Variants in SLC24A3 observed in about 807,000 individuals in gnomAD.
SLC24A3 encodes sodium/potassium/calcium exchanger 3.
Under a neutral mutation model 75.8 loss-of-function variants are expected in SLC24A3, and 28 were observed. The observed-to-expected ratio is 0.37, with a 90% CI of 0.27 to 0.51. SLC24A3 has a LOEUF of 0.51. SLC24A3 is among the 20% of genes least tolerant of loss of function. SLC24A3 has a pLI of 0.94. For missense variants in SLC24A3, 663 were observed against 847.8 expected (o/e 0.78, Z 2.71); for synonymous variants, 372 against 334.1 (o/e 1.11, Z -1.24).
At chr20:19,584,279 T>C (rs2031262511) in intron 4 of SLC24A3, among the ~76,000 whole-genome samples, 1 of 152,112 alleles carries the variant, frequency 6.6e-6, no homozygotes, top group Admixed American at 6.5e-5. Flanking sequence ...TTTTCAGCCT[T>C]AAGCCCCCAC....
intron 3 of SLC24A3, among the ~76,000 whole-genome samples, chr20:19,575,099 A>G (rs918559001): frequency 1.3e-5 from 2 of 151,932 alleles, no homozygotes; most frequent in African/African-American, 4.8e-5. Flanking sequence ...AAAATACAAA[A>G]AAAAATGAAG....
chr20:19,346,086 T>C (rs1243441792), intron 2 of SLC24A3, among the ~76,000 whole-genome samples: 2 of 69,946 alleles, frequency 2.9e-5, no homozygotes, highest in African/African-American at 1.2e-4. Context: ...TATATATATA[T>C]ATATATATAT....
intron 2 of SLC24A3, among the ~76,000 whole-genome samples, chr20:19,376,504 A>G (rs1986085857): frequency 6.6e-6 from 1 of 152,198 alleles, no homozygotes; most frequent in Non-Finnish European, 1.5e-5. Flanking sequence ...GTGGCAGGCT[A>G]TCGTTCTAGC....
In SLC24A3 at chr20:19,224,978, G is replaced by C. The variant is rs183938167; in HGVS notation, c.142+11994G>C. 2.1e-3 allele frequency among the ~76,000 whole-genome samples: 313 copies of C among 152,224 alleles called. 1 individual carries two copies. Among genetic ancestry groups the C allele is most frequent in the African/African-American group, 7.3e-3 (305 of 41,520 alleles). On this transcript the variant is annotated intron_variant, in intron 1 of 16. Coordinates refer to ENST00000328041, the MANE Select transcript of SLC24A3 (RefSeq NM_020689.4). Reference sequence around the variant, plus strand: ...CATGGGAAAAATTAGGAATTTTCAGGGTGAGCCACTTCTTGTGACAAAAAA... The same window carrying C: ...CATGGGAAAAATTAGGAATTTTCAGCGTGAGCCACTTCTTGTGACAAAAAA...
At chr20:19,542,100 G>A (rs994665194) in intron 3 of SLC24A3, among the ~76,000 whole-genome samples, 1 of 152,216 alleles carries the variant, frequency 6.6e-6, no homozygotes, top group African/African-American at 2.4e-5. Flanking sequence ...AAAGGGGAGA[G>A]ATAGCAGGTG....
intron 2 of SLC24A3, among the ~76,000 whole-genome samples, chr20:19,454,951 A>G (rs1987553495): frequency 6.6e-6 from 1 of 152,206 alleles, no homozygotes; most frequent in Non-Finnish European, 1.5e-5. Flanking sequence ...AATTATAGAC[A>G]GAGTCTAGGT....
intron 6 of SLC24A3, among the ~76,000 whole-genome samples, chr20:19,647,711 T>G (rs578043557): frequency 6.6e-6 from 1 of 152,342 alleles, no homozygotes; most frequent in East Asian, 1.9e-4. Flanking sequence ...TGAGAAGGCA[T>G]GTCTGAGTCC....
In SLC24A3 at chr20:19,585,460, C is replaced by T. The variant is rs115896900; in HGVS notation, c.528C>T (p.Gly176=). The change falls in exon 6 of 17, where the codon GGC becomes GGT. Residue 176 remains glycine (G), a synonymous_variant. Transcript: ENST00000328041. ...TSVIGVFITK[G]DVGVGTIVGS... The stretch of plus-strand genomic sequence containing the variant: ...TTTCAGGGGTCTTCATCACCAAAGG[C>T]GATGTGGGAGTTGGCACCATCGTGG... 30 of 1,614,084 alleles carry T rather than the reference C, an allele frequency of 1.9e-5. No homozygotes were observed. Among genetic ancestry groups the T allele is most frequent in the Non-Finnish European group, 2.4e-5 (28 of 1,179,988 alleles).
chr20:19,690,030 CAAAAAAA>C lies in SLC24A3; in HGVS notation c.1325-3214_1325-3208del, dbSNP rs538406361. Among the ~76,000 whole-genome samples the C allele has an allele frequency of 4.6e-5, 4 of 87,812 alleles. No homozygotes were observed. In the East Asian group the frequency reaches 1.2e-3, roughly 27 times the overall value. The allele number at this position is 87,812 out of a possible 152,430, so 57.6% of individuals were successfully genotyped here. On this transcript the variant is annotated intron_variant, in intron 12 of 16. Coordinates refer to ENST00000328041, the MANE Select transcript of SLC24A3 (RefSeq NM_020689.4). ...TGGACAAAAGAGTGAGACTCTGTCT[CAAAAAAA>C]AAAAAAAAAAAAAAGGAAAATTAAG...
chr20:19,344,000 C>T (rs6081576), intron 2 of SLC24A3, among the ~76,000 whole-genome samples: 42,849 of 151,982 alleles, frequency 0.28, 6,739 homozygotes, highest in Middle Eastern at 0.46. Context: ...ATATTTCAGA[C>T]CTTAGTAATA....
intron 2 of SLC24A3, among the ~76,000 whole-genome samples, chr20:19,336,612 C>G (rs1402745450): frequency 6.6e-6 from 1 of 151,880 alleles, no homozygotes; most frequent in African/African-American, 2.4e-5. Flanking sequence ...TCTTGAACTC[C>G]TGGCCTCAAT....
chr20:19,646,749 C>A (rs1036812478), intron 6 of SLC24A3, among the ~76,000 whole-genome samples: 1 of 152,106 alleles, frequency 6.6e-6, no homozygotes, highest in African/African-American at 2.4e-5. Flanking sequence ...CAGGGGAACA[C>A]TACTCCTGAT....
intron 2 of SLC24A3, among the ~76,000 whole-genome samples, chr20:19,406,077 A>C (rs1172082812): frequency 6.6e-6 from 1 of 152,184 alleles, no homozygotes; most frequent in Non-Finnish European, 1.5e-5. Context: ...TTGCTTTAGA[A>C]AGTTCTTAGA....
chr20:19,701,098 G>A (rs1375926248), intron 15 of SLC24A3, among the ~76,000 whole-genome samples: 1 of 152,264 alleles, frequency 6.6e-6, no homozygotes, highest in Admixed American at 6.5e-5. Context: ...ACCACAGGAA[G>A]CCCCATGAGG....
intron 2 of SLC24A3, among the ~76,000 whole-genome samples, chr20:19,503,541 T>C (rs1185637532): frequency 6.6e-6 from 1 of 152,208 alleles, no homozygotes; most frequent in African/African-American, 2.4e-5. Context: ...GACCTAAAAT[T>C]ATAGGTAAAT....
chr20:19,439,985 C>T (rs1987271598), intron 2 of SLC24A3, among the ~76,000 whole-genome samples: 1 of 152,124 alleles, frequency 6.6e-6, no homozygotes, highest in South Asian at 2.1e-4. Context: ...TAGTTCAATA[C>T]AAGAAATACA....
At chr20:19,341,414 G>C (rs1985270933) in intron 2 of SLC24A3, among the ~76,000 whole-genome samples, 1 of 152,158 alleles carries the variant, frequency 6.6e-6, no homozygotes, top group South Asian at 2.1e-4. Context: ...GTAGGTTTGG[G>C]AACTGGACCT....
intron 12 of SLC24A3, among the ~76,000 whole-genome samples, chr20:19,686,007 T>C (rs1386216030): frequency 1.3e-5 from 2 of 152,276 alleles, no homozygotes; most frequent in East Asian, 1.9e-4. Flanking sequence ...AAATGTAAGT[T>C]TCGCAAGTTT....
chr20:19,579,637 GC>G (rs2031190762), intron 3 of SLC24A3, among the ~76,000 whole-genome samples: 1 of 152,230 alleles, frequency 6.6e-6, no homozygotes, highest in Non-Finnish European at 1.5e-5. Context: ...AGAAATGGGA[GC>G]GGGGGAAAGA....
Sources: gnomAD v4.1 joint callset for allele counts (sites outside exome capture counted in the v4.1 genomes callset) on GRCh38, gnomAD v4.1.1 for gene constraint, MANE v1.5 for transcripts, NCBI Gene and HGNC (gene_info 2026-07-23, HGNC 2026-07-21) for gene names.